The following BRME1 variants were observed in gnomAD, a reference collection of about 807,000 sequenced individuals.
The protein encoded by BRME1 is BRCA2 and MEILB2-associating protein 1.
BRME1 carries 31 observed loss-of-function variants against 52.6 expected under a neutral mutation model. The ratio of observed to expected loss-of-function variants is 0.59; its 90% confidence interval spans 0.44 to 0.80. The LOEUF is 0.80. Ranked by LOEUF, BRME1 falls within the 30% of genes least tolerant of loss-of-function variation. The pLI, the probability that BRME1 is intolerant of heterozygous loss-of-function variation, is 0.00. For synonymous variants in BRME1, 359 were observed against 353.6 expected (o/e 1.02, Z -0.17); for missense variants, 804 against 860.3 (o/e 0.93, Z 0.82).
rs561611001 is a variant in BRME1 at position 13,899,151 on chromosome 19, C to CTTT, written c.32-3608_32-3606dup. On this transcript the variant is annotated intron_variant, in intron 2 of 8. Coordinates refer to ENST00000586783, the MANE Select transcript of BRME1 (RefSeq NM_001345843.2). ...ATTGCTTCTAATTCTTCTTCTTCTT[C>CTTT]TTTTTTTTTTTTTTTGAGATGGACT... 2.3e-4 allele frequency among the ~76,000 whole-genome samples: 32 copies of CTTT among 137,430 alleles called. No homozygotes were observed. The South Asian group carries it at 6.1e-3, about 26-fold the overall frequency. The allele number at this position is 137,430 out of a possible 152,430, so 90.2% of individuals were successfully genotyped here. A position where few individuals can be genotyped will look rare whatever the true frequency, so the allele number is the denominator to read the frequency against.
At chr19:13,897,102 G>A (rs1237951034) in intron 2 of BRME1, among the ~76,000 whole-genome samples, 4 of 148,254 alleles carry the variant, frequency 2.7e-5, no homozygotes, top group African/African-American at 5.1e-5. Context: ...GCAATGGCAC[G>A]ATCTCTGCTC....
At position 13,889,505 on chromosome 19, in the gene BRME1, C is replaced by T. The variant is rs1292239436; in HGVS notation, c.1351G>A (p.Glu451Lys). 2 of 1,613,836 alleles carry T rather than the reference C, an allele frequency of 1.2e-6. No individual in the cohort carries two copies. The highest frequency in any genetic ancestry group is 8.5e-7 in the Non-Finnish European group (1 of 1,180,036). Residue 451 changes from glutamate to lysine, a missense_variant, in exon 6 of 9, where the codon GAG becomes AAG. Around this residue, in one of 3 missense-constraint regions of BRME1, gnomAD observed 552 missense variants for 561.1 expected, o/e 0.98. Coordinates refer to ENST00000586783, the MANE Select transcript of BRME1 (RefSeq NM_001345843.2). ...DTGPCVNQKQ[E>K]PGPAQEEAEL... is the part of the protein sequence containing the mutation. ...GCTTCCTCTTGAGCAGGACCTGGCT[C>T]CTGCTTCTGATTGACACATGGACCT...
At chr19:13,893,599 G>A (rs1399058744) in intron 3 of BRME1, among the ~76,000 whole-genome samples, 1 of 152,020 alleles carries the variant, frequency 6.6e-6, no homozygotes, top group Non-Finnish European at 1.5e-5. Context: ...CGAGACAAAC[G>A]CAAAACAAAA....
chr19:13,895,483 G>A lies in BRME1; in HGVS notation c.95C>T (p.Pro32Leu), dbSNP rs765973175. ...NPRLGDFYGD[P>L]QSSMLGCLHH... ...TAAACAGCCCAACATGGAACTCTGG[G>A]GGTCCCCATAGAAGTCTCCTAGCCT... The change falls in exon 3 of 9, where the codon CCC (proline) becomes CTC (leucine). Residue 32 changes from proline (P) to leucine (L), a missense_variant. Around this residue, in one of 3 missense-constraint regions of BRME1, gnomAD observed 234 missense variants for 258.1 expected, o/e 0.91. Transcript: ENST00000586783. 3 of 1,614,100 alleles carry A rather than the reference G, an allele frequency of 1.9e-6. No individual in the cohort carries two copies. The South Asian group carries it at 3.3e-5, about 18-fold the overall frequency.
At chr19:13,900,437 A>C (rs918625051) in intron 2 of BRME1, among the ~76,000 whole-genome samples, 1 of 152,114 alleles carries the variant, frequency 6.6e-6, no homozygotes, top group Non-Finnish European at 1.5e-5. Flanking sequence ...TCCCCCTCCA[A>C]GGTCAGAGAA....
At position 13,892,808 on chromosome 19, in the gene BRME1, C is replaced by T. The variant is rs768348040; in HGVS notation, c.371G>A (p.Arg124His). The T allele has an allele frequency of 1.6e-4, 253 of 1,613,992 alleles. No homozygotes were observed. The highest frequency in any genetic ancestry group is 2.0e-4 in the Non-Finnish European group (234 of 1,179,932). The change falls in exon 5 of 9, where the codon CGT becomes CAT. Residue 124 changes from arginine (R) to histidine (H), a missense_variant. Around this residue, in one of 3 missense-constraint regions of BRME1, gnomAD observed 234 missense variants for 258.1 expected, o/e 0.91. Transcript: ENST00000586783. ...TACCAGGCTAAAGGCCCCACTCCCA[C>T]GGTCCTCATCCTTCATCTCTTCTTT... ...TRKEEMKDED[R>H]GSGAFSLETI...
chr19:13,889,269 TAA>T lies in BRME1; in HGVS notation c.1585_1586del (p.Leu529SerfsTer20), dbSNP rs751325635. 2.0e-5 allele frequency: 32 copies of T among 1,613,912 alleles called. No individual in the cohort carries two copies. The highest frequency in any genetic ancestry group is 1.6e-4 in the Middle Eastern group (1 of 6,082). ...SADQGTWADS[L>X]AVELDFLLDS... is the part of the protein sequence containing the mutation. ...CCAGCAGGAAGTCGAGTTCCACAGCTAAAGAGTCTGCCCAGGTGCCCTGGTCT... is the reference window on the plus strand; with the variant it reads ...CCAGCAGGAAGTCGAGTTCCACAGCTAGAGTCTGCCCAGGTGCCCTGGTCT... On this transcript the variant is annotated frameshift_variant, in exon 6 of 9. Transcript: ENST00000586783. LOFTEE classifies it high-confidence loss of function.
At position 13,883,028 on chromosome 19, in the gene BRME1, C is replaced by T; in HGVS notation, c.1857-76G>A. 6.5e-7 allele frequency: 1 copy of T among 1,538,190 alleles called. No homozygotes were observed. The highest frequency in any genetic ancestry group is 8.8e-7 in the Non-Finnish European group (1 of 1,137,638). Reference sequence around the variant, plus strand: ...CAGAGGGGGCCGCGCCTCACAGCCACATGGTCACCAATGACTCAGGTGCAC... The same window carrying T: ...CAGAGGGGGCCGCGCCTCACAGCCATATGGTCACCAATGACTCAGGTGCAC... On this transcript the variant is annotated intron_variant, in intron 8 of 8. Transcript: ENST00000586783. The surrounding 1 kb of genome is among the most constrained non-coding windows in gnomAD (Gnocchi z 4.2).
At chr19:13,884,269 G>A (rs1968840129) in intron 7 of BRME1, among the ~76,000 whole-genome samples, 1 of 152,168 alleles carries the variant, frequency 6.6e-6, no homozygotes, top group Non-Finnish European at 1.5e-5. Flanking sequence ...GAGCCTGGGA[G>A]ATGGAGGCTA....
At chr19:13,892,724 C>CT in intron 5 of BRME1, 62 bp downstream of exon 5, 2 of 1,403,464 alleles carry the variant, frequency 1.4e-6, no homozygotes, top group Non-Finnish European at 2.0e-6. Flanking sequence ...ATGGGGCTGC[C>CT]GAGGCTGGGC....
At position 13,889,357 on chromosome 19, in the gene BRME1, T is replaced by C. The variant is rs3803892; in HGVS notation, c.1499A>G (p.Gln500Arg). 0.24 allele frequency: 393,881 copies of C among 1,613,868 alleles called. 56,372 individuals are homozygous for C. Among genetic ancestry groups the C allele is most frequent in the African/African-American group, 0.67 (49,990 of 74,944 alleles). Residue 500 changes from glutamine (Q) to arginine (R), a missense_variant, in exon 6 of 9, where the codon CAG becomes CGG. Physicochemically the swap from Gln to Arg is conservative, Grantham distance 43. Around this residue, in one of 3 missense-constraint regions of BRME1, gnomAD observed 552 missense variants for 561.1 expected, o/e 0.98. Coordinates refer to ENST00000586783, the MANE Select transcript of BRME1 (RefSeq NM_001345843.2). ...CTCTGAGGTGGTGTCTGGAATGCCC[T>C]GCTGAGCCCCGGGCTCCTGGAGAGG... ...DDPLQEPGAQQGIPDTTSELA... is the reference protein window; with the variant it reads ...DDPLQEPGAQRGIPDTTSELA...
chr19:13,887,036 G>A (rs1161178970), intron 6 of BRME1, among the ~76,000 whole-genome samples: 1 of 152,190 alleles, frequency 6.6e-6, no homozygotes, highest in African/African-American at 2.4e-5. Context: ...TGAGTGCAAA[G>A]GATCTATGAG....
At position 13,892,904 on chromosome 19, in the gene BRME1, A is replaced by G. The variant is rs200232694; in HGVS notation, c.289-14T>C. On this transcript the variant is annotated splice_polypyrimidine_tract_variant and intron_variant, in intron 4 of 8. Coordinates refer to ENST00000586783, the MANE Select transcript of BRME1 (RefSeq NM_001345843.2). Reference sequence around the variant, plus strand: ...CCCGAATGAGTTCTGTAAACCGGATACAAGAACAAAGCAGCAATAAAGATA... The same window carrying G: ...CCCGAATGAGTTCTGTAAACCGGATGCAAGAACAAAGCAGCAATAAAGATA... 51 of 1,603,852 alleles carry G rather than the reference A, an allele frequency of 3.2e-5. No individual in the cohort carries two copies. In the African/African-American group the frequency reaches 6.4e-4, roughly 20 times the overall value.
chr19:13,895,280 G>T, intron 3 of BRME1, 92 bp downstream of exon 3: 1 of 1,367,132 alleles, frequency 7.3e-7, no homozygotes. Flanking sequence ...ATAGGTTGTG[G>T]GTCTCTTTCC....
chr19:13,898,866 T>C (rs556080669), intron 2 of BRME1, among the ~76,000 whole-genome samples: 1 of 137,926 alleles, frequency 7.3e-6, no homozygotes, highest in East Asian at 2.1e-4. Flanking sequence ...GAGGTTGCAG[T>C]GAGCCGATAT....
chr19:13,886,000 G>A lies in BRME1; in HGVS notation c.1724C>T (p.Ala575Val). ...GGCCACTGCAACAGGGTCTCCATTG[G>A]CATGTGAGCTGGGGCCCGGCCAGCA... ...GPCWPGPSSH[A>V]NGDPVAVAKA... The change falls in exon 7 of 9, where the codon GCC (alanine) becomes GTC (valine). Residue 575 changes from alanine to valine, a missense_variant. This residue lies in a region of BRME1 where 552 missense variants were observed against 561.1 expected (regional missense o/e 0.98). Coordinates refer to ENST00000586783, the MANE Select transcript of BRME1 (RefSeq NM_001345843.2). The A allele has an allele frequency of 6.2e-7, 1 of 1,614,024 alleles. No homozygotes were observed. Among genetic ancestry groups the A allele is most frequent in the Non-Finnish European group, 8.5e-7 (1 of 1,180,016 alleles).
chr19:13,899,255 TCTC>T (rs1246193461), intron 2 of BRME1, among the ~76,000 whole-genome samples: 2 of 150,580 alleles, frequency 1.3e-5, no homozygotes, highest in Non-Finnish European at 3.0e-5. Flanking sequence ...TTCAAGCAAT[TCTC>T]CTGCCTCAGC....
At chr19:13,892,438 T>A (rs146108331) in intron 5 of BRME1, among the ~76,000 whole-genome samples, 2,661 of 151,794 alleles carry the variant, frequency 0.018, 85 homozygotes, top group African/African-American at 0.059. Flanking sequence ...ATACAAAAAT[T>A]AGCTGGGCGC....
At chr19:13,893,916 CAAA>C (rs35791732) in intron 3 of BRME1, among the ~76,000 whole-genome samples, 2 of 144,296 alleles carry the variant, frequency 1.4e-5, no homozygotes, top group Non-Finnish European at 3.1e-5. Flanking sequence ...GACCCTATCT[CAAA>C]AAAAAAAAAA....
Sources: gnomAD v4.1 joint callset for allele counts (sites outside exome capture counted in the v4.1 genomes callset) on GRCh38, gnomAD v4.1.1 for gene constraint, gnomAD v4.1.1 regional missense constraint, Gnocchi (gnomAD v3.1) non-coding constraint, MANE v1.5 for transcripts, NCBI Gene and HGNC (gene_info 2026-07-23, HGNC 2026-07-21) for gene names.